Variants in DCHS2 observed in about 807,000 individuals in gnomAD.
DCHS2 encodes protocadherin-23.
A neutral mutation model predicts 182.4 loss-of-function variants in DCHS2; 142 were observed. The observed-to-expected ratio is 0.78, with a 90% CI of 0.68 to 0.89. The LOEUF is 0.89. Among genes scored for constraint, DCHS2 ranks in the 40% least tolerant of loss-of-function variants. The pLI is 0.00. For synonymous variants in DCHS2, 1,740 were observed against 1,663.3 expected (o/e 1.05, Z -1.12); for missense variants, 4,319 against 4,198.6 (o/e 1.03, Z -0.79).
At chr4:154,247,038 A>G (rs1732104601) in intron 16 of DCHS2, among the ~76,000 whole-genome samples, 1 of 152,244 alleles carries the variant, frequency 6.6e-6, no homozygotes, top group South Asian at 2.1e-4. Flanking sequence ...TAAAAGAAAT[A>G]TGTCTTTTTA....
At position 154,321,095 on chromosome 4, in the gene DCHS2, T is replaced by C; in HGVS notation, c.4304A>G (p.Tyr1435Cys). 1.2e-6 allele frequency: 2 copies of C among 1,609,614 alleles called. No homozygotes were observed. The highest frequency in any genetic ancestry group is 1.7e-5 in the Admixed American group (1 of 59,886). Reference sequence around the variant, plus strand: ...AATACTAAAATGTAACTTTCCATTATAATGTTGTTGAAGGTGATCAGATGA... The same window carrying C: ...AATACTAAAATGTAACTTTCCATTACAATGTTGTTGAAGGTGATCAGATGA... ...IKSSDHLQQH[Y>C]NGKLHFSIVA... is the part of the protein sequence containing the mutation. The change falls in exon 9 of 20, where the codon TAT becomes TGT. Residue 1435 changes from tyrosine (Y) to cysteine (C), a missense_variant. Tyr to Cys is a radical substitution (Grantham distance 194). Coordinates refer to ENST00000357232, the MANE Select transcript of DCHS2 (RefSeq NM_001358235.2).
At chr4:154,353,354 T>C (rs1211856489) in intron 3 of DCHS2, among the ~76,000 whole-genome samples, 1 of 149,270 alleles carries the variant, frequency 6.7e-6, no homozygotes, top group Non-Finnish European at 1.5e-5. Flanking sequence ...CAAGAACCAA[T>C]AGCAGATTTA....
chr4:154,277,848 C>G (rs1317822020), intron 13 of DCHS2, among the ~76,000 whole-genome samples: 2 of 152,026 alleles, frequency 1.3e-5, no homozygotes, highest in Non-Finnish European at 2.9e-5. Context: ...CAAGACCAGC[C>G]TGGCCAACAT....
chr4:154,472,101 C>G (rs554341296), intron 1 of DCHS2, among the ~76,000 whole-genome samples: 5 of 152,310 alleles, frequency 3.3e-5, no homozygotes, highest in African/African-American at 1.2e-4. Flanking sequence ...ATTAACATGA[C>G]AGCAAAGCTT....
chr4:154,306,395 G>T (rs371647114), intron 10 of DCHS2, among the ~76,000 whole-genome samples: 1 of 152,038 alleles, frequency 6.6e-6, no homozygotes, highest in Non-Finnish European at 1.5e-5. Context: ...GAGTCATAGT[G>T]ATTATTTCAG....
In DCHS2 at chr4:154,235,959, A is replaced by T. The variant is rs1354573251; in HGVS notation, c.8693T>A (p.Leu2898Ter). The T allele has an allele frequency of 6.2e-7, 1 of 1,614,014 alleles. No homozygotes were observed. Among genetic ancestry groups the T allele is most frequent in the Non-Finnish European group, 8.5e-7 (1 of 1,179,948 alleles). The part of the protein sequence containing the change: ...TLPEKNKDRQ[L>*]IGRVEASDAD... ...ATCTGAGGCTTCCACTCTGCCAATC[A>T]ACTGTCTGTCTTTATTCTTTTCTGG... Residue 2898 changes from leucine to a stop codon, truncating the protein, a stop_gained, in exon 20 of 20, where the codon TTG (leucine) becomes TAG (stop). Transcript: ENST00000357232. LOFTEE classifies it low-confidence loss of function (END_TRUNC).
rs905355819 is a variant in DCHS2 at position 154,366,242 on chromosome 4, A to C, written c.2444T>G (p.Val815Gly). 1 of 1,613,738 alleles carries C rather than the reference A, an allele frequency of 6.2e-7. No individual in the cohort carries two copies. The highest frequency in any genetic ancestry group is 8.5e-7 in the Non-Finnish European group (1 of 1,179,940). ...TVAYELIPGNVSSLFTIDSTT... is the reference protein window; with the variant it reads ...TVAYELIPGNGSSLFTIDSTT... The stretch of plus-strand genomic sequence containing the variant: ...GGAGTCAATGGTAAAAAGGGACGAC[A>C]CGTTTCCTGGAATAAGCTCATAAGC... The change falls in exon 3 of 20, where the codon GTG becomes GGG. Residue 815 changes from valine (V) to glycine (G), a missense_variant. Physicochemically the swap from Val to Gly is moderately radical, Grantham distance 109. Coordinates refer to ENST00000357232, the MANE Select transcript of DCHS2 (RefSeq NM_001358235.2).
intron 1 of DCHS2, among the ~76,000 whole-genome samples, chr4:154,467,829 C>T (rs1461171481): frequency 1.3e-5 from 2 of 152,056 alleles, no homozygotes; most frequent in African/African-American, 2.4e-5. Flanking sequence ...ATCTTAAATG[C>T]TTTATAAATG....
chr4:154,444,970 A>G (rs1237299933), intron 1 of DCHS2, among the ~76,000 whole-genome samples: 1 of 152,090 alleles, frequency 6.6e-6, no homozygotes. Context: ...CTGGTCCCAC[A>G]CAGTTGGGCA....
At chr4:154,244,958 G>A (rs56044525) in intron 16 of DCHS2, among the ~76,000 whole-genome samples, 3,173 of 152,072 alleles carry the variant, frequency 0.021, 85 homozygotes, top group African/African-American at 0.061. Flanking sequence ...TCAAAGTTAA[G>A]TTTCTATCAA....
At chr4:154,255,791 A>T (rs1254552322) in intron 15 of DCHS2, 121 bp from the exon 16 acceptor site, 13 of 1,360,256 alleles carry the variant, frequency 9.6e-6, no homozygotes, top group Non-Finnish European at 1.2e-5. Context: ...AAAAACAACG[A>T]TGAAATGAAA....
intron 1 of DCHS2, among the ~76,000 whole-genome samples, chr4:154,429,128 G>C (rs1733457487): frequency 6.6e-6 from 1 of 152,144 alleles, no homozygotes; most frequent in Admixed American, 6.5e-5. Context: ...GCAACTATGA[G>C]GGGATATCGT....
chr4:154,464,759 A>G (rs1023598471), intron 1 of DCHS2, among the ~76,000 whole-genome samples: 1 of 152,174 alleles, frequency 6.6e-6, no homozygotes, highest in African/African-American at 2.4e-5. Context: ...CTTGGTGCCC[A>G]GGCCACAGAG....
At position 154,490,765 on chromosome 4, in the gene DCHS2, T is replaced by C; in HGVS notation, c.591A>G (p.Gly197=). 2 of 1,551,504 alleles carry C rather than the reference T, an allele frequency of 1.3e-6. No homozygotes were observed. Among genetic ancestry groups the C allele is most frequent in the Non-Finnish European group, 1.7e-6 (2 of 1,146,862 alleles). The change falls in exon 1 of 20, where the codon GGA becomes GGG. Residue 197 remains glycine (G), a synonymous_variant. Transcript: ENST00000357232. ...RLPVAHDPDA[G]LFSTQGYTLV... ...GGGTGTAGCCCTGAGTGCTGAACAG[T>C]CCGGCGTCCGGATCGTGGGCAACTG...
rs1289261727 is a variant in DCHS2, at chr4:154,490,413, C to T, written c.943G>A (p.Val315Ile). 1.3e-6 allele frequency: 2 copies of T among 1,533,622 alleles called. No individual in the cohort carries two copies. The highest frequency in any genetic ancestry group is 1.7e-4 in the Middle Eastern group (1 of 5,870). The change falls in exon 1 of 20, where the codon GTC becomes ATC. Residue 315 changes from valine to isoleucine, a missense_variant. Transcript: ENST00000357232. ...VREDAQPGAE[V>I]CRVRATDRDL... The stretch of plus-strand genomic sequence containing the variant: ...CGGTCGGTGGCGCGCACGCGACAGA[C>T]CTCGGCGCCCGGCTGGGCGTCCTCG...
chr4:154,420,373 T>C (rs1410981524), intron 1 of DCHS2, among the ~76,000 whole-genome samples: 1 of 152,110 alleles, frequency 6.6e-6, no homozygotes, highest in Non-Finnish European at 1.5e-5. Flanking sequence ...CACACAGTTA[T>C]AGAAGCCAAG....
intron 16 of DCHS2, among the ~76,000 whole-genome samples, chr4:154,252,332 G>GTTA (rs1471252784): frequency 6.6e-6 from 1 of 152,024 alleles, no homozygotes; most frequent in Non-Finnish European, 1.5e-5. Context: ...AAATCTTTTA[G>GTTA]TTATTTTTAA....
intron 7 of DCHS2, chr4:154,323,127 C>A: frequency 2.1e-6 from 3 of 1,426,282 alleles, no homozygotes; most frequent in Non-Finnish European, 2.8e-6. Flanking sequence ...TGTATCCTGA[C>A]ATTTTCCATG....
At chr4:154,396,752 GTA>G (rs927522817) in intron 1 of DCHS2, among the ~76,000 whole-genome samples, 2 of 152,054 alleles carry the variant, frequency 1.3e-5, no homozygotes, top group African/African-American at 4.8e-5. Flanking sequence ...CTCTACTTCA[GTA>G]TAACAAAATG....
Sources: gnomAD v4.1 joint callset for allele counts (sites outside exome capture counted in the v4.1 genomes callset) on GRCh38, gnomAD v4.1.1 for gene constraint, MANE v1.5 for transcripts, NCBI Gene and HGNC (gene_info 2026-07-23, HGNC 2026-07-21) for gene names.